The following CHN2 variants were observed in gnomAD, a reference collection of about 807,000 sequenced individuals.
CHN2 encodes beta-chimaerin.
CHN2 carries 35 observed loss-of-function variants against 56.3 expected under a neutral mutation model. The ratio of observed to expected loss-of-function variants is 0.62; its 90% CI spans 0.47 to 0.82. The LOEUF (loss-of-function observed/expected upper bound fraction) is 0.82. Ranked by LOEUF, CHN2 falls within the 40% of genes least tolerant of loss-of-function variation. The pLI is 0.00. For synonymous variants in CHN2, 210 were observed against 212.8 expected (o/e 0.99, Z 0.12); for missense variants, 491 against 580.5 (o/e 0.85, Z 1.58).
At chr7:29,380,058 G>A (rs1248437499) in intron 3 of CHN2, among the ~76,000 whole-genome samples, 1 of 152,116 alleles carries the variant, frequency 6.6e-6, no homozygotes, top group African/African-American at 2.4e-5. Flanking sequence ...TCAGGAATTG[G>A]GTTTTAACTC....
At chr7:29,506,364 G>A (rs1287987526) in intron 10 of CHN2, among the ~76,000 whole-genome samples, 3 of 152,130 alleles carry the variant, frequency 2.0e-5, no homozygotes, top group African/African-American at 2.4e-5. Flanking sequence ...TAGGCCAGGC[G>A]TGGTGGCTCA....
chr7:29,240,176 A>T (rs953323219), intron 1 of CHN2, among the ~76,000 whole-genome samples: 3 of 151,998 alleles, frequency 2.0e-5, no homozygotes, highest in African/African-American at 7.3e-5. Flanking sequence ...GCCATGAACC[A>T]CCACACCCTA....
At chr7:29,337,353 T>C (rs541230931) in intron 1 of CHN2, among the ~76,000 whole-genome samples, 1 of 152,278 alleles carries the variant, frequency 6.6e-6, no homozygotes, top group East Asian at 1.9e-4. Flanking sequence ...GTAGGAACTT[T>C]CACATGCTGC....
chr7:29,351,122 A>T (rs1015961875), intron 1 of CHN2, among the ~76,000 whole-genome samples: 109 of 151,734 alleles, frequency 7.2e-4, no homozygotes, highest in African/African-American at 2.6e-3. Context: ...AAAAAAAAAA[A>T]AAAAAAAATT....
chr7:29,417,484 C>G (rs1803892894), intron 6 of CHN2, among the ~76,000 whole-genome samples: 1 of 151,926 alleles, frequency 6.6e-6, no homozygotes, highest in African/African-American at 2.4e-5. Flanking sequence ...TACAGGCGCC[C>G]GCCACCACGC....
At chr7:29,342,025 G>A (rs774761329) in intron 1 of CHN2, among the ~76,000 whole-genome samples, 2 of 152,184 alleles carry the variant, frequency 1.3e-5, no homozygotes, top group Admixed American at 6.5e-5. Flanking sequence ...CTTTCAGAAC[G>A]CTTTTTGTAG....
intron 3 of CHN2, among the ~76,000 whole-genome samples, chr7:29,372,390 C>A (rs745714542): frequency 1.4e-4 from 22 of 152,062 alleles, no homozygotes; most frequent in African/African-American, 4.8e-4. Flanking sequence ...ACCCTTGGAG[C>A]GTCTCTGTCA....
intron 1 of CHN2, among the ~76,000 whole-genome samples, chr7:29,342,395 G>C (rs986893091): frequency 6.6e-6 from 1 of 152,198 alleles, no homozygotes; most frequent in African/African-American, 2.4e-5. Context: ...CTCTACTTCA[G>C]GACTACTTGA....
At position 29,440,456 on chromosome 7, in the gene CHN2, C is replaced by T. The variant is rs186702048; in HGVS notation, c.576+39628C>T. 8.7e-3 allele frequency among the ~76,000 whole-genome samples: 1,315 copies of T among 151,966 alleles called. 11 individuals carry two copies. Among genetic ancestry groups the T allele is most frequent in the South Asian group, 0.019 (91 of 4,812 alleles). On this transcript the variant is annotated intron_variant, in intron 6 of 12. Transcript: ENST00000222792. ...CTGTAATCTTAGCACTTTGGGAGGC[C>T]GAGGCGGGTGGATCACCTGAGATCA...
At chr7:29,199,560 A>T (rs2128767100) in intron 1 of CHN2, 1 of 152,326 alleles carries the variant, frequency 6.6e-6, no homozygotes, top group African/African-American at 2.4e-5. Flanking sequence ...AATCTCAAAT[A>T]AAAAACTTGC....
In CHN2 at chr7:29,389,171, C is replaced by T. The variant is rs149235497; in HGVS notation, c.145-4508C>T. On this transcript the variant is annotated intron_variant, in intron 3 of 12. Coordinates refer to ENST00000222792, the MANE Select transcript of CHN2 (RefSeq NM_004067.4). ...CTTCTAATATTCCCGTTGCTCAGAG[C>T]GTGCTGGGAACGTCTCTTCTAAAAT... 1.3e-3 allele frequency among the ~76,000 whole-genome samples: 204 copies of T among 152,166 alleles called. 2 individuals are homozygous for T. Among genetic ancestry groups the T allele is most frequent in the African/African-American group, 4.4e-3 (183 of 41,512 alleles).
intron 1 of CHN2, among the ~76,000 whole-genome samples, chr7:29,328,242 C>T (rs1795957560): frequency 6.6e-6 from 1 of 152,150 alleles, no homozygotes; most frequent in African/African-American, 2.4e-5. Flanking sequence ...TAGGCAAACA[C>T]TTCCTTTTTT....
At chr7:29,223,537 A>G (rs1785960479) in intron 1 of CHN2, among the ~76,000 whole-genome samples, 1 of 152,080 alleles carries the variant, frequency 6.6e-6, no homozygotes, top group Non-Finnish European at 1.5e-5. Context: ...ACACTTTCAT[A>G]TTTGGGTTAT....
intron 6 of CHN2, among the ~76,000 whole-genome samples, chr7:29,413,216 G>A (rs1451417107): frequency 6.6e-6 from 1 of 152,192 alleles, no homozygotes; most frequent in African/African-American, 2.4e-5. Context: ...AGTATCAGAA[G>A]AGAAAGTTAA....
intron 1 of CHN2, among the ~76,000 whole-genome samples, chr7:29,210,426 A>G (rs1167020571): frequency 1.3e-5 from 2 of 151,312 alleles, no homozygotes; most frequent in Non-Finnish European, 2.9e-5. Flanking sequence ...ACACACACAC[A>G]CCCCACACAC....
chr7:29,415,592 G>A (rs1803657714), intron 6 of CHN2, among the ~76,000 whole-genome samples: 1 of 152,238 alleles, frequency 6.6e-6, no homozygotes, highest in Non-Finnish European at 1.5e-5. Context: ...AGTTGGTGGA[G>A]GGGAAGGCTG....
chr7:29,363,451 C>T (rs1001495109), intron 2 of CHN2, among the ~76,000 whole-genome samples: 1 of 152,200 alleles, frequency 6.6e-6, no homozygotes, highest in African/African-American at 2.4e-5. Context: ...TGCCACTGCA[C>T]TCTAGCCTGG....
At chr7:29,311,579 C>G (rs1376424218) in intron 1 of CHN2, among the ~76,000 whole-genome samples, 2 of 152,240 alleles carry the variant, frequency 1.3e-5, no homozygotes, top group Admixed American at 6.5e-5. Context: ...GATTCAGGTT[C>G]AAACACAGGC....
intron 6 of CHN2, among the ~76,000 whole-genome samples, chr7:29,427,450 A>C (rs1804976769): frequency 6.6e-6 from 1 of 152,128 alleles, no homozygotes; most frequent in Non-Finnish European, 1.5e-5. Flanking sequence ...TGGCATAATC[A>C]GGGGAGTAAC....
Sources: gnomAD v4.1 joint callset for allele counts (sites outside exome capture counted in the v4.1 genomes callset) on GRCh38, gnomAD v4.1.1 for gene constraint, MANE v1.5 for transcripts, NCBI Gene and HGNC (gene_info 2026-07-23, HGNC 2026-07-21) for gene names.